The following TOGARAM2 variants were observed in gnomAD, a reference collection of about 807,000 sequenced individuals.
TOGARAM2 encodes TOG array regulator of axonemal microtubules protein 2.
TOGARAM2 carries 85 observed loss-of-function variants against 93.3 expected under a neutral mutation model. The observed-to-expected ratio is 0.91, with a 90% CI of 0.76 to 1.09. The LOEUF (loss-of-function observed/expected upper bound fraction) is 1.09. TOGARAM2 is among the 50% of genes least tolerant of loss of function. The pLI, the probability that TOGARAM2 is intolerant of heterozygous loss-of-function variation, is 0.00. For missense variants in TOGARAM2, 1,277 were observed against 1,334.5 expected (o/e 0.96, Z 0.67); for synonymous variants, 593 against 552.8 (o/e 1.07, Z -1.02).
chr2:29,012,237 C>T (rs777187672), intron 7 of TOGARAM2, among the ~76,000 whole-genome samples: 6 of 152,142 alleles, frequency 3.9e-5, no homozygotes, highest in Admixed American at 2.0e-4. Flanking sequence ...TGGAGGCAGC[C>T]GCTCTACTGC....
At chr2:29,018,133 C>G (rs1033842835) in intron 10 of TOGARAM2, 177 bp downstream of exon 10, 20 of 677,262 alleles carry the variant, frequency 3.0e-5, no homozygotes, top group Non-Finnish European at 3.6e-5. Flanking sequence ...GTCAGGGACT[C>G]ATCATTGTCT....
chr2:29,006,950 C>A (rs928048105), intron 6 of TOGARAM2, among the ~76,000 whole-genome samples: 1 of 152,172 alleles, frequency 6.6e-6, no homozygotes, highest in Non-Finnish European at 1.5e-5. Flanking sequence ...TTTTTTGCAT[C>A]ATTTGAACCA....
At chr2:29,004,910 GTGC>G (rs1350285356) in intron 6 of TOGARAM2, among the ~76,000 whole-genome samples, 1,868 of 21,056 alleles carry the variant, frequency 0.089, 29 homozygotes, top group African/African-American at 0.12. Context: ...GTGCATGTGT[GTGC>G]ATGTGTACGT....
Position 29,002,735 on chromosome 2 carries a change from C to G in TOGARAM2, c.627C>G (p.Pro209=), listed in dbSNP as rs576057122. 3 of 1,613,394 alleles carry G rather than the reference C, an allele frequency of 1.9e-6. No individual in the cohort carries two copies. The highest frequency in any genetic ancestry group is 1.6e-4 in the Middle Eastern group (1 of 6,062). The change falls in exon 5 of 20, where the codon CCC becomes CCG. Residue 209 remains proline, a synonymous_variant. Coordinates refer to ENST00000379558, the MANE Select transcript of TOGARAM2 (RefSeq NM_199280.4). ...GSIPGPHELR[P]GAQEAQISWQ... is the part of the protein sequence containing the mutation. ...TTCCGGGTCCTCACGAGTTGAGACC[C>G]GGTGCTCAGGAGGTAAGGTGGTTCG...
intron 10 of TOGARAM2, 102 bp from the exon 11 acceptor site, chr2:29,022,056 G>A (rs1664985718): frequency 6.7e-7 from 1 of 1,499,774 alleles, no homozygotes; most frequent in Admixed American, 1.7e-5. Flanking sequence ...TGGGCTCAGG[G>A]TGGTGGCACG....
At chr2:28,990,511 C>G (rs1009106797) in intron 1 of TOGARAM2, among the ~76,000 whole-genome samples, 3 of 152,244 alleles carry the variant, frequency 2.0e-5, no homozygotes, top group African/African-American at 7.2e-5. Flanking sequence ...CCCAGACTCA[C>G]AGGCGCATCT....
chr2:29,052,116 T>C lies in TOGARAM2; in HGVS notation c.*23T>C, dbSNP rs1667110428. On this transcript the variant is annotated 3_prime_UTR_variant, in exon 20 of 20. Transcript: ENST00000379558. ...TAAAGATGGATCTGAAATGGGCAATTATTATTTATCTTATTTTTTTGATGG... is the reference window on the plus strand; with the variant it reads ...TAAAGATGGATCTGAAATGGGCAATCATTATTTATCTTATTTTTTTGATGG... 1 of 1,509,146 alleles carries C rather than the reference T, an allele frequency of 6.6e-7. No individual in the cohort carries two copies. Among genetic ancestry groups the C allele is most frequent in the African/African-American group, 1.4e-5 (1 of 71,616 alleles). The allele number at this position is 1,509,146 out of a possible 1,614,324, so 93.5% of individuals were successfully genotyped here.
rs13420380 is a variant in TOGARAM2 at position 29,023,067 on chromosome 2, G to C, written c.1512-19G>C. 1 of 1,568,156 alleles carries C rather than the reference G, an allele frequency of 6.4e-7. No homozygotes were observed. Among genetic ancestry groups the C allele is most frequent in the Non-Finnish European group, 8.7e-7 (1 of 1,155,178 alleles). ...TCCCTCTCCACCCTTCTGCAACAGG[G>C]CCTGGCCTTGCTTCTCAGGCAGATG... On this transcript the variant is annotated intron_variant, in intron 11 of 19. Transcript: ENST00000379558.
rs866621569 is a variant in TOGARAM2, at chr2:28,998,904, A to G, written c.140-277A>G. 5.9e-5 allele frequency among the ~76,000 whole-genome samples: 9 copies of G among 151,960 alleles called. No homozygotes were observed. The South Asian group carries it at 1.2e-3, about 21-fold the overall frequency. ...GGTCCCTGGGCAGACGACCTTCCCT[A>G]TGATTCACGGCCTCTTGTCTGTGCT... On this transcript the variant is annotated intron_variant, in intron 3 of 19. Transcript: ENST00000379558.
At chr2:29,004,939 T>TGA (rs1553338691) in intron 6 of TOGARAM2, among the ~76,000 whole-genome samples, 1 of 106,826 alleles carries the variant, frequency 9.4e-6, no homozygotes, top group African/African-American at 3.8e-5. Context: ...AGTGCATGTG[T>TGA]GTGCATGTGT....
rs534812333 is a variant in TOGARAM2, at chr2:29,013,535, G to A, written c.878-860G>A. ...CTTCAGTCTGTGACCAAAAGTCCGA[G>A]AGCCCCTGGCAAGCCACTGGTGCAA... On this transcript the variant is annotated intron_variant, in intron 7 of 19. Transcript: ENST00000379558. 5.3e-5 allele frequency among the ~76,000 whole-genome samples: 8 copies of A among 152,282 alleles called. No individual in the cohort carries two copies. In the South Asian group the frequency reaches 1.7e-3, roughly 32 times the overall value.
At position 29,017,194 on chromosome 2, in the gene TOGARAM2, A is replaced by T. The variant is rs11127202; in HGVS notation, c.1085A>T (p.Gln362Leu). The T allele has an allele frequency of 1.9e-6, 3 of 1,613,420 alleles. No individual in the cohort carries two copies. The African/African-American group carries it at 4.0e-5, about 22-fold the overall frequency. ...TCCAAGTCTGCCCGGGAGAAGATGCAGCTGAAGCAGATGAAGGAGATGGAG... is the reference window on the plus strand; with the variant it reads ...TCCAAGTCTGCCCGGGAGAAGATGCTGCTGAAGCAGATGAAGGAGATGGAG... ...TISKSAREKM[Q>L]LKQMKEMELL... The change falls in exon 9 of 20, where the codon CAG becomes CTG. Residue 362 changes from glutamine to leucine, a missense_variant. Transcript: ENST00000379558.
chr2:29,005,790 GC>G (rs1284128106), intron 6 of TOGARAM2, among the ~76,000 whole-genome samples: 2 of 139,826 alleles, frequency 1.4e-5, no homozygotes, highest in Non-Finnish European at 3.1e-5. Context: ...ATCTGTGTGT[GC>G]ATGTGTATGA....
At chr2:28,963,537 GCTAA>G (rs1322813699) in intron 1 of TOGARAM2, among the ~76,000 whole-genome samples, 1 of 152,032 alleles carries the variant, frequency 6.6e-6, no homozygotes, top group East Asian at 1.9e-4. Flanking sequence ...ACCACACCTG[GCTAA>G]CTTTTAATGT....
chr2:29,003,482 C>T lies in TOGARAM2; in HGVS notation c.640-10C>T. The T allele has an allele frequency of 6.7e-7, 1 of 1,499,652 alleles. No homozygotes were observed. The highest frequency in any genetic ancestry group is 8.9e-7 in the Non-Finnish European group (1 of 1,120,794). The allele number at this position is 1,499,652 out of a possible 1,614,324, so 92.9% of individuals were successfully genotyped here. On this transcript the variant is annotated splice_polypyrimidine_tract_variant and intron_variant, in intron 5 of 19. Transcript: ENST00000379558. ...CATAGGCCAGACCCCTGTCCCGCCT[C>T]TGCTCCCAGGCGCAGATCTCCTGGC...
At chr2:28,997,202 C>A (rs887068518) in intron 2 of TOGARAM2, among the ~76,000 whole-genome samples, 4 of 145,184 alleles carry the variant, frequency 2.8e-5, no homozygotes, top group Non-Finnish European at 4.7e-5. Flanking sequence ...ACTATCCATC[C>A]GACAAAGGAT....
chr2:29,032,223 TCTC>T (rs1558456795), intron 14 of TOGARAM2, among the ~76,000 whole-genome samples: 2 of 152,152 alleles, frequency 1.3e-5, no homozygotes, highest in Non-Finnish European at 2.9e-5. Flanking sequence ...GGTCCTGTGT[TCTC>T]CTCTGGCCTG....
intron 10 of TOGARAM2, among the ~76,000 whole-genome samples, chr2:29,020,298 T>C (rs976048381): frequency 6.9e-6 from 1 of 144,750 alleles, no homozygotes; most frequent in East Asian, 1.9e-4. Flanking sequence ...TGGAAAGTTG[T>C]TTATTGTAAC....
chr2:28,991,018 GTGTGT>G (rs1672705133), intron 1 of TOGARAM2, among the ~76,000 whole-genome samples: 1 of 150,876 alleles, frequency 6.6e-6, no homozygotes, highest in Non-Finnish European at 1.5e-5. Flanking sequence ...GTGTGTGTGT[GTGTGT>G]GTGTGTGTGT....
Sources: allele counts gnomAD v4.1 joint callset (sites outside exome capture counted in the v4.1 genomes callset), GRCh38; gene constraint gnomAD v4.1.1; transcripts MANE v1.5; gene names NCBI Gene and HGNC (gene_info 2026-07-23, HGNC 2026-07-21).